The following DOK7 variants were observed in gnomAD, a reference collection of about 807,000 sequenced individuals.
DOK7 encodes docking protein 7.
A neutral mutation model predicts 30.7 loss-of-function variants in DOK7; 32 were observed. The ratio of observed to expected loss-of-function variants is 1.04; its 90% CI spans 0.79 to 1.40. The LOEUF (loss-of-function observed/expected upper bound fraction) is 1.40, where lower values mean the gene tolerates loss of function less well. DOK7 is among the 40% of genes most tolerant of loss of function. The pLI is 0.00. For missense variants in DOK7, 1,007 were observed against 699.2 expected (o/e 1.44, Z -4.97); for synonymous variants, 447 against 324.1 (o/e 1.38, Z -4.07).
downstream of DOK7, among the ~76,000 whole-genome samples, chr4:3,497,467 C>G (rs868381522): frequency 6.6e-6 from 1 of 152,016 alleles, no homozygotes; most frequent in Non-Finnish European, 1.5e-5. Flanking sequence ...CCTAGAGAAG[C>G]CTGGCAGTCA....
downstream of DOK7, among the ~76,000 whole-genome samples, chr4:3,496,440 G>A (rs917846874): frequency 2.6e-5 from 4 of 152,264 alleles, no homozygotes; most frequent in Non-Finnish European, 4.4e-5. Flanking sequence ...TGAGGTCGGA[G>A]CCCAGACACT....
Position 3,473,459 on chromosome 4 carries a change from C to T in DOK7, c.154C>T (p.Arg52Trp), listed in dbSNP as rs1553846306. 6.8e-6 allele frequency: 11 copies of T among 1,611,038 alleles called. No homozygotes were observed. Among genetic ancestry groups the T allele is most frequent in the African/African-American group, 1.3e-5 (1 of 74,996 alleles). Residue 52 changes from arginine to tryptophan, a missense_variant, in exon 3 of 7, where the codon CGG becomes TGG. Coordinates refer to ENST00000340083, the MANE Select transcript of DOK7 (RefSeq NM_173660.5). ...KDKSERIKGL[R>W]ERSSLTLEDI... ...CAAGTCGGAGCGTATCAAGGGCCTGCGGGAGCGCAGCAGCCTGACGCTAGA... is the reference window on the plus strand; with the variant it reads ...CAAGTCGGAGCGTATCAAGGGCCTGTGGGAGCGCAGCAGCCTGACGCTAGA...
At chr4:3,470,174 C>A (rs957528807) in intron 2 of DOK7, among the ~76,000 whole-genome samples, 2 of 152,198 alleles carry the variant, frequency 1.3e-5, no homozygotes, top group Admixed American at 1.3e-4. Flanking sequence ...GTGGCCTCAG[C>A]GCTCCAGTCC....
At position 3,476,293 on chromosome 4, in the gene DOK7, C is replaced by G. The variant is rs114112298; in HGVS notation, c.332-49C>G. ...CTCTCACCCCACCCGCCCGTGATGT[C>G]CTCTCACCCTGCCCGCCCGTGATGC... On this transcript the variant is annotated intron_variant, in intron 3 of 6. Coordinates refer to ENST00000340083, the MANE Select transcript of DOK7 (RefSeq NM_173660.5). 2.8e-4 allele frequency: 273 copies of G among 985,384 alleles called. 35 individuals carry two copies. The African/African-American group carries it at 4.5e-3, about 16-fold the overall frequency. 61.0% of individuals were successfully genotyped at this position (985,384 alleles called of 1,614,324 possible).
At chr4:3,471,412 A>G (rs6831256) in intron 2 of DOK7, among the ~76,000 whole-genome samples, 74,452 of 152,064 alleles carry the variant, frequency 0.49, 18,939 homozygotes, top group African/African-American at 0.62. Flanking sequence ...GGTGGTCTGT[A>G]TGGTGCGTGA....
At chr4:3,490,068 C>CCAGTCCTTTCTTCACCCCCTCATT (rs1728117298) in intron 6 of DOK7, among the ~76,000 whole-genome samples, 1 of 67,544 alleles carries the variant, frequency 1.5e-5, no homozygotes, top group Admixed American at 1.6e-4. Flanking sequence ...CTTCCTCCCC[C>CCAGTCCTTTCTTCACCCCCTCATT]CATTCCTTTC....
intron 4 of DOK7, among the ~76,000 whole-genome samples, chr4:3,478,713 G>A (rs192929193): frequency 5.3e-4 from 78 of 147,946 alleles, no homozygotes; most frequent in East Asian, 4.5e-3. Context: ...TGCACACCCC[G>A]TAGGGTAGGT....
intron 4 of DOK7, among the ~76,000 whole-genome samples, chr4:3,479,830 G>A (rs1281406073): frequency 1.3e-5 from 2 of 152,342 alleles, no homozygotes; most frequent in South Asian, 2.1e-4. Context: ...AGCAACCCCC[G>A]GGTCCCCAGT....
intron 4 of DOK7, among the ~76,000 whole-genome samples, chr4:3,480,432 A>T (rs1302992590): frequency 1.3e-5 from 2 of 152,020 alleles, no homozygotes; most frequent in Non-Finnish European, 2.9e-5. Flanking sequence ...ACATGGTGAA[A>T]CCCCATCTCT....
chr4:3,470,794 C>T (rs1419605729), intron 2 of DOK7, among the ~76,000 whole-genome samples: 5 of 152,340 alleles, frequency 3.3e-5, no homozygotes, highest in African/African-American at 7.2e-5. Flanking sequence ...AAAAGGGTGA[C>T]GTCGGGCTCT....
intron 2 of DOK7, among the ~76,000 whole-genome samples, chr4:3,468,327 C>T (rs796313978): frequency 8.0e-4 from 109 of 136,654 alleles, no homozygotes; most frequent in Middle Eastern, 4.0e-3. Flanking sequence ...CCTGTGTGTG[C>T]GAGTGTGTGT....
chr4:3,491,033 C>A (rs1728358893), intron 6 of DOK7, among the ~76,000 whole-genome samples: 1 of 67,956 alleles, frequency 1.5e-5, no homozygotes, highest in East Asian at 5.4e-4. Flanking sequence ...TCCTTCCTTC[C>A]CCCCCATTCC....
chr4:3,491,997 G>T (rs900239393), intron 6 of DOK7, among the ~76,000 whole-genome samples: 1 of 152,240 alleles, frequency 6.6e-6, no homozygotes, highest in East Asian at 1.9e-4. Context: ...CTCCTGCCCT[G>T]CCCCAGGAGG....
intron 5 of DOK7, 99 bp downstream of exon 5, chr4:3,485,757 TG>T: frequency 7.4e-7 from 1 of 1,345,054 alleles, no homozygotes; most frequent in South Asian, 1.9e-5. Flanking sequence ...CCCAGTTAGA[TG>T]GCCAGCCTCC....
At chr4:3,490,960 C>T (rs556035769) in intron 6 of DOK7, among the ~76,000 whole-genome samples, 47 of 141,954 alleles carry the variant, frequency 3.3e-4, no homozygotes, top group African/African-American at 1.2e-3. Context: ...CCTTCTCCCC[C>T]TGCTCATTTC....
At chr4:3,486,208 C>T (rs866522972) in intron 5 of DOK7, among the ~76,000 whole-genome samples, 1 of 152,314 alleles carries the variant, frequency 6.6e-6, no homozygotes, top group East Asian at 1.9e-4. Flanking sequence ...GCTGTGGCTG[C>T]GGCACTCTCT....
At chr4:3,500,891 C>T (rs962545806) in exon 8 of DOK7, 29 of 1,465,800 alleles carry the variant, frequency 2.0e-5, no homozygotes, top group Non-Finnish European at 2.5e-5. Context: ...CCCGGCAGGC[C>T]AGCCCCTTCT....
At chr4:3,483,294 G>A (rs1035878316) in intron 4 of DOK7, among the ~76,000 whole-genome samples, 1 of 148,560 alleles carries the variant, frequency 6.7e-6, no homozygotes, top group African/African-American at 2.5e-5. Flanking sequence ...CAGACCTGGT[G>A]TGCAGAGGGA....
chr4:3,494,388 G>C lies in DOK7; in HGVS notation c.*887G>C, dbSNP rs1728774478. 1.0e-6 allele frequency: 1 copy of C among 985,896 alleles called. No homozygotes were observed. The highest frequency in any genetic ancestry group is 1.2e-6 in the Non-Finnish European group (1 of 830,268). 61.1% of individuals were successfully genotyped at this position (985,896 alleles called of 1,614,324 possible). A position where few individuals can be genotyped will look rare whatever the true frequency, so the allele number is the denominator to read the frequency against. On this transcript the variant is annotated 3_prime_UTR_variant, in exon 7 of 7. Transcript: ENST00000340083. ...AGCCTGCCCTGACCACAGCCCAGCA[G>C]CTCCCTGTGAACACCTCTTTGTCCC...
Sources: gnomAD v4.1 joint callset for allele counts (sites outside exome capture counted in the v4.1 genomes callset) on GRCh38, gnomAD v4.1.1 for gene constraint, MANE v1.5 for transcripts, NCBI Gene and HGNC (gene_info 2026-07-23, HGNC 2026-07-21) for gene names.